Variants in ASPM observed in about 807,000 individuals in gnomAD.
ASPM encodes assembly factor for spindle microtubules, also known as abnormal spindle-like microcephaly-associated protein.
ASPM carries 256 observed loss-of-function variants against 366.4 expected under a neutral mutation model. The observed-to-expected ratio is 0.70, with a 90% CI of 0.63 to 0.77. ASPM has a LOEUF of 0.77. Ranked by LOEUF, ASPM falls within the 30% of genes least tolerant of loss-of-function variation. The probability of loss-of-function intolerance (pLI) is 0.00; values close to 1 mark genes in which losing one functional copy is unlikely to be tolerated. For synonymous variants in ASPM, 1,414 were observed against 1,342.9 expected (o/e 1.05, Z -1.16); for missense variants, 4,146 against 4,090.4 (o/e 1.01, Z -0.37).
rs753451939 is a variant in ASPM at position 197,128,514 on chromosome 1, T to C, written c.2912A>G (p.Asp971Gly). ...CACAAGGCGCACTCCACATTGCAAG[T>C]CTACGGCAAGATTTGTAACGGCAAA... ...FDFAVTNLAV[D>G]LQCGVRLVRT... is the part of the protein sequence containing the mutation. Residue 971 changes from aspartate (D) to glycine (G), a missense_variant, in exon 10 of 28, where the codon GAC becomes GGC. By Grantham distance (94) the Asp-to-Gly change is moderately conservative. Transcript: ENST00000367409. 6.2e-7 allele frequency: 1 copy of C among 1,613,758 alleles called. No homozygotes were observed. Among genetic ancestry groups the C allele is most frequent in the South Asian group, 1.1e-5 (1 of 91,070 alleles).
At position 197,146,569 on chromosome 1, in the gene ASPM, C is replaced by CT. The variant is rs1297885366; in HGVS notation, c.-133dup. On this transcript the variant is annotated 5_prime_UTR_variant, in exon 1 of 28. Transcript: ENST00000367409. ...AGAGGTCGTGGGAGTGAATTCGGCC[C>CT]TTTTTCTTTTCCACTAACCTACTCC... 4.2e-6 allele frequency: 4 copies of CT among 962,984 alleles called. No individual in the cohort carries two copies. In the African/African-American group the frequency reaches 6.5e-5, roughly 16 times the overall value. The allele number at this position is 962,984 out of a possible 1,614,324, so 59.7% of individuals were successfully genotyped here.
chr1:197,133,292 A>C (rs1658318840), intron 6 of ASPM, 58 bp downstream of exon 6: 1 of 1,554,696 alleles, frequency 6.4e-7, no homozygotes, highest in African/African-American at 1.4e-5. Flanking sequence ...GGAAAAAAAC[A>C]CAAAATCTCT....
Position 197,143,556 on chromosome 1 carries a change from A to G in ASPM, c.696T>C (p.His232=), listed in dbSNP as rs778375785. 2 of 1,613,686 alleles carry G rather than the reference A, an allele frequency of 1.2e-6. No individual in the cohort carries two copies. Among genetic ancestry groups the G allele is most frequent in the South Asian group, 2.2e-5 (2 of 91,090 alleles). ...SPISPAFNEC[H]GATCLPLSVR... ...CAGAGAGTGGCAAGCAAGTTGCACC[A>G]TGGCATTCATTGAAAGCAGGGCTAA... Residue 232 remains histidine (H), a synonymous_variant, in exon 3 of 28, where the codon CAT becomes CAC. Transcript: ENST00000367409.
Position 197,139,758 on chromosome 1 carries a change from A to C in ASPM, c.2026+9T>G, listed in dbSNP as rs763998125. The C allele has an allele frequency of 1.3e-6, 2 of 1,551,718 alleles. No individual in the cohort carries two copies. The highest frequency in any genetic ancestry group is 2.2e-5 in the South Asian group (2 of 89,872). On this transcript the variant is annotated intron_variant, in intron 4 of 27. Coordinates refer to ENST00000367409, the MANE Select transcript of ASPM (RefSeq NM_018136.5). ...GTTTTCAGAGAGTTTAAGTATAATA[A>C]ATACTTGCCTGTTTTTAATGGTTTT...
rs757488628 is a variant in ASPM, at chr1:197,133,607, C to G, written c.2174-12G>C. On this transcript the variant is annotated splice_polypyrimidine_tract_variant and intron_variant, in intron 5 of 27. Transcript: ENST00000367409. ...AGTAGCAGCATTTACTGGGTAAAAA[C>G]AAAAGAAAGAATGTTTCTGGTTAAA... The G allele has an allele frequency of 1.3e-5, 21 of 1,610,966 alleles. No homozygotes were observed. In the African/African-American group the frequency reaches 2.1e-4, roughly 16 times the overall value.
chr1:197,139,955 G>A (rs1255340108), intron 3 of ASPM, 84 bp from the exon 4 acceptor site: 3 of 927,776 alleles, frequency 3.2e-6, no homozygotes, highest in African/African-American at 1.6e-5. Context: ...TAAAGTTTGG[G>A]TTCTTCACAA....
At chr1:197,138,215 T>C (rs2125111634) in intron 4 of ASPM, among the ~76,000 whole-genome samples, 1 of 152,350 alleles carries the variant, frequency 6.6e-6, no homozygotes, top group Non-Finnish European at 1.5e-5. Flanking sequence ...AAATATTGAT[T>C]GAATGTCATC....
rs140217534 is a variant in ASPM, at chr1:197,121,078, G to A, written c.3870+837C>T. On this transcript the variant is annotated intron_variant, in intron 16 of 27. Coordinates refer to ENST00000367409, the MANE Select transcript of ASPM (RefSeq NM_018136.5). ...GTTGAGAAGGAATATTGGGTGGAAT[G>A]TATTTCTGAAATATTTATGATAAAT... 2.6e-3 allele frequency among the ~76,000 whole-genome samples: 391 copies of A among 152,224 alleles called. 3 individuals carry two copies. The highest frequency in any genetic ancestry group is 9.1e-3 in the African/African-American group (377 of 41,540).
At position 197,124,851 on chromosome 1, in the gene ASPM, T is replaced by C. The variant is rs763312881; in HGVS notation, c.3168+19A>G. The C allele has an allele frequency of 1.3e-6, 2 of 1,548,402 alleles. No individual in the cohort carries two copies. The highest frequency in any genetic ancestry group is 1.8e-6 in the Non-Finnish European group (2 of 1,121,780). On this transcript the variant is annotated intron_variant, in intron 12 of 27. Coordinates refer to ENST00000367409, the MANE Select transcript of ASPM (RefSeq NM_018136.5). ...ATCAAAATTGATAAAAAATACAAGATGTACCAAATGTATAATACCTGAAAA... is the reference window on the plus strand; with the variant it reads ...ATCAAAATTGATAAAAAATACAAGACGTACCAAATGTATAATACCTGAAAA...
intron 27 of ASPM, among the ~76,000 whole-genome samples, chr1:197,084,856 A>C (rs1273923969): frequency 1.3e-5 from 2 of 152,128 alleles, no homozygotes; most frequent in Non-Finnish European, 1.5e-5. Flanking sequence ...ATATGATCAC[A>C]TACTAGACTT....
chr1:197,091,387 G>T (rs1190831031), intron 22 of ASPM, among the ~76,000 whole-genome samples: 1 of 151,638 alleles, frequency 6.6e-6, no homozygotes, highest in African/African-American at 2.4e-5. Flanking sequence ...TAAACAAATA[G>T]AATTCTTCTT....
intron 7 of ASPM, 100 bp from the exon 8 acceptor site, chr1:197,130,156 G>T: frequency 1.6e-6 from 2 of 1,241,236 alleles, no homozygotes; most frequent in Non-Finnish European, 2.3e-6. Flanking sequence ...AACTGGCAAT[G>T]TTCTACTTTC....
chr1:197,138,775 T>C, intron 4 of ASPM: 2 of 731,482 alleles, frequency 2.7e-6, no homozygotes, highest in South Asian at 1.4e-5. Context: ...TGTCTTTCTT[T>C]GTATTGGTGC....
rs749305180 is a variant in ASPM, at chr1:197,090,100, AAC to A, written c.9830-18_9830-17del. 3.5e-5 allele frequency: 56 copies of A among 1,610,162 alleles called. No individual in the cohort carries two copies. Among genetic ancestry groups the A allele is most frequent in the Middle Eastern group, 1.7e-4 (1 of 6,042 alleles). On this transcript the variant is annotated splice_polypyrimidine_tract_variant and intron_variant, in intron 24 of 27. Coordinates refer to ENST00000367409, the MANE Select transcript of ASPM (RefSeq NM_018136.5). ...GTAACTACCTCTGAAAGAAAAAAAA[AAC>A]ACACACACACAGGTAAATTTACAGC...
Position 197,102,103 on chromosome 1 carries a change from C to T in ASPM, c.7148G>A (p.Arg2383Lys). The T allele has an allele frequency of 1.2e-6, 2 of 1,612,938 alleles. No individual in the cohort carries two copies. Among genetic ancestry groups the T allele is most frequent in the Non-Finnish European group, 1.7e-6 (2 of 1,179,278 alleles). Residue 2383 changes from arginine to lysine, a missense_variant, in exon 18 of 28, where the codon AGA (arginine) becomes AAA (lysine). Arg to Lys is a conservative substitution (Grantham distance 26, BLOSUM62 2). This residue lies in a region of ASPM where 3,624 missense variants were observed against 3,591.7 expected (regional missense o/e 1.01). Coordinates refer to ENST00000367409, the MANE Select transcript of ASPM (RefSeq NM_018136.5). ...AAKLQRQHYL[R>K]QRHSAVILQA... ...AAGGATCACAGCAGAGTGTCTTTGT[C>T]TGAGATAATGCTGCCTCTGCAGTTT...
intron 18 of ASPM, among the ~76,000 whole-genome samples, chr1:197,098,232 G>T (rs934425149): frequency 1.3e-5 from 2 of 150,800 alleles, no homozygotes; most frequent in Non-Finnish European, 3.0e-5. Context: ...ATATATGTAA[G>T]TATTTAGTAA....
chr1:197,110,522 T>A (rs1277471995), intron 17 of ASPM, among the ~76,000 whole-genome samples: 1 of 152,034 alleles, frequency 6.6e-6, no homozygotes, highest in Non-Finnish European at 1.5e-5. Flanking sequence ...AAGTGATAAC[T>A]GGATTCCAAT....
chr1:197,133,060 C>T lies in ASPM; in HGVS notation c.2419+290G>A, dbSNP rs148277214. Among the ~76,000 whole-genome samples, 68 of 152,202 alleles carry T rather than the reference C, an allele frequency of 4.5e-4. 1 individual carries two copies. In the East Asian group the frequency reaches 0.012, roughly 27 times the overall value. On this transcript the variant is annotated intron_variant, in intron 6 of 27. Transcript: ENST00000367409. ...TCTGGAGATCGAATGTACACCATGA[C>T]GACTATAGTTAATAACAGTGACTTG...
chr1:197,137,359 C>A (rs1278633386), intron 4 of ASPM, among the ~76,000 whole-genome samples: 1 of 152,140 alleles, frequency 6.6e-6, no homozygotes, highest in Non-Finnish European at 1.5e-5. Flanking sequence ...GTGAACAAAG[C>A]AAAGATTCTG....
Sources: allele counts gnomAD v4.1 joint callset (sites outside exome capture counted in the v4.1 genomes callset), GRCh38; gene constraint gnomAD v4.1.1; regional missense constraint gnomAD v4.1.1; transcripts MANE v1.5; gene names NCBI Gene and HGNC (gene_info 2026-07-23, HGNC 2026-07-21).